Variants in MMD2 observed in about 807,000 individuals in gnomAD.
The protein encoded by MMD2 is monocyte to macrophage differentiation factor 2.
MMD2 carries 30 observed loss-of-function variants against 33.5 expected under a neutral mutation model. That is an observed-to-expected ratio of 0.90 (90% CI 0.67 to 1.22). MMD2 has a LOEUF of 1.22. Among genes scored for constraint, MMD2 ranks in the 50% most tolerant of loss-of-function variants. MMD2 has a pLI of 0.00. For synonymous variants in MMD2, 129 were observed against 123.0 expected (o/e 1.05, Z -0.32); for missense variants, 364 against 325.4 (o/e 1.12, Z -0.91).
chr7:4,907,569 T>C lies in MMD2; in HGVS notation c.568A>G (p.Thr190Ala). The C allele has an allele frequency of 6.2e-7, 1 of 1,612,832 alleles. No homozygotes were observed. The change falls in exon 7 of 7, where the codon ACC (threonine) becomes GCC (alanine). Residue 190 changes from threonine to alanine, a missense_variant. Coordinates refer to ENST00000401401, the MANE Select transcript of MMD2 (RefSeq NM_198403.4). ...PNTEGIWELVTGGVFYCLGMV... is the reference protein window; with the variant it reads ...PNTEGIWELVAGGVFYCLGMV... ...CCCAGGCAGTAGAAGACCCCTCCGG[T>C]CACCAGCTCCCAGATGCCCTCGGTG...
chr7:4,909,432 C>A (rs76589102), intron 6 of MMD2, among the ~76,000 whole-genome samples: 250 of 133,336 alleles, frequency 1.9e-3, no homozygotes, highest in African/African-American at 2.5e-3. Flanking sequence ...CCTGCCTCTA[C>A]AAAAAAAAAA....
At chr7:4,898,369 C>T in the MMD2 span, among the ~76,000 whole-genome samples, 1 of 152,174 alleles carries the variant, frequency 6.6e-6, no homozygotes, top group Non-Finnish European at 1.5e-5. Flanking sequence ...ACAACTATGG[C>T]TTTCTGGGAA....
At chr7:4,918,061 A>C (rs1562479558) in intron 3 of MMD2, among the ~76,000 whole-genome samples, 1 of 152,168 alleles carries the variant, frequency 6.6e-6, no homozygotes. Context: ...GCACTAGCTC[A>C]CCAGCCAAGT....
chr7:4,920,478 T>C (rs1270531148), intron 2 of MMD2, 147 bp from the exon 3 acceptor site: 13 of 758,974 alleles, frequency 1.7e-5, no homozygotes, highest in Admixed American at 2.8e-5. Flanking sequence ...AATCATTTTA[T>C]TTCACTTTAA....
intron 4 of MMD2, among the ~76,000 whole-genome samples, chr7:4,915,105 C>T (rs1785107198): frequency 6.6e-6 from 1 of 151,280 alleles, no homozygotes; most frequent in African/African-American, 2.4e-5. Context: ...AGACCCATCT[C>T]TACAAAAATA....
chr7:4,911,457 T>A (rs984415228), intron 4 of MMD2, among the ~76,000 whole-genome samples: 1 of 152,088 alleles, frequency 6.6e-6, no homozygotes, highest in African/African-American at 2.4e-5. Context: ...AGAGGAAAAT[T>A]AGCAAAATTG....
intron 6 of MMD2, among the ~76,000 whole-genome samples, chr7:4,909,270 C>G (rs1169580996): frequency 6.6e-6 from 1 of 151,326 alleles, no homozygotes; most frequent in African/African-American, 2.4e-5. Flanking sequence ...GGGCTTAAGC[C>G]CAGGAGATCG....
chr7:4,899,664 G>C, the MMD2 span, among the ~76,000 whole-genome samples: 1 of 152,152 alleles, frequency 6.6e-6, no homozygotes, highest in Non-Finnish European at 1.5e-5. Flanking sequence ...CCAAAGTGCT[G>C]GGATTACAGG....
chr7:4,924,110 T>TGG (rs1785359085), intron 2 of MMD2, among the ~76,000 whole-genome samples: 1 of 152,156 alleles, frequency 6.6e-6, no homozygotes, highest in Non-Finnish European at 1.5e-5. Context: ...GAGAATGGCA[T>TGG]GAACCCAGGA....
chr7:4,931,807 G>A (rs537813319), intron 1 of MMD2, among the ~76,000 whole-genome samples: 7 of 151,932 alleles, frequency 4.6e-5, no homozygotes, highest in Admixed American at 2.0e-4. Flanking sequence ...TCAAACAATC[G>A]TCCTCCCTTG....
chr7:4,930,129 G>A (rs1785536392), intron 1 of MMD2, among the ~76,000 whole-genome samples: 1 of 151,754 alleles, frequency 6.6e-6, no homozygotes, highest in South Asian at 2.1e-4. Context: ...AAATAGCTGA[G>A]TGTGGTGGCG....
chr7:4,909,803 A>T (rs1448052559), intron 6 of MMD2, 78 bp downstream of exon 6: 1 of 1,543,720 alleles, frequency 6.5e-7, no homozygotes, highest in Non-Finnish European at 8.8e-7. Flanking sequence ...GGTTTGTGAC[A>T]ATCTCAACAG....
chr7:4,926,717 G>A (rs1191656026), intron 1 of MMD2, among the ~76,000 whole-genome samples: 1 of 151,924 alleles, frequency 6.6e-6, no homozygotes, highest in Non-Finnish European at 1.5e-5. Flanking sequence ...CACATTTTGG[G>A]GTACAGCAAC....
At chr7:4,903,553 G>T (rs146944187), downstream of MMD2, among the ~76,000 whole-genome samples, 1 of 152,320 alleles carries the variant, frequency 6.6e-6, no homozygotes, top group Non-Finnish European at 1.5e-5. Flanking sequence ...TTCCCTGGCC[G>T]GGAGGCTGTC....
chr7:4,938,939 G>T (rs1331633679), intron 1 of MMD2, among the ~76,000 whole-genome samples: 1 of 151,926 alleles, frequency 6.6e-6, no homozygotes, highest in African/African-American at 2.4e-5. Flanking sequence ...TGGGCTCGAT[G>T]GCTCACGTCT....
At position 4,906,308 on chromosome 7, in the gene MMD2, G is replaced by T; in HGVS notation, c.*1088C>A. The T allele has an allele frequency of 2.5e-6, 1 of 394,004 alleles. No individual in the cohort carries two copies. Among genetic ancestry groups the T allele is most frequent in the African/African-American group, 2.1e-5 (1 of 48,666 alleles). The allele number at this position is 394,004 out of a possible 1,614,324, so 24.4% of individuals were successfully genotyped here. On this transcript the variant is annotated 3_prime_UTR_variant, in exon 7 of 7. Transcript: ENST00000401401. The stretch of plus-strand genomic sequence containing the variant: ...AGAACAGGCCCCCAGCAGCCTTGTT[G>T]TTGGGCTACTGAGCACTTCAGAGGT...
At chr7:4,912,607 G>T (rs1671699523) in intron 4 of MMD2, among the ~76,000 whole-genome samples, 1 of 151,698 alleles carries the variant, frequency 6.6e-6, no homozygotes, top group Non-Finnish European at 1.5e-5. Flanking sequence ...AAAAAGATCT[G>T]AACCTCTTCC....
chr7:4,947,015 G>A (rs553835291), intron 1 of MMD2, among the ~76,000 whole-genome samples: 1 of 152,156 alleles, frequency 6.6e-6, no homozygotes, highest in Admixed American at 6.6e-5. Flanking sequence ...CAAGACCAAC[G>A]TGGCCAACTT....
chr7:4,898,130 C>A, the MMD2 span, among the ~76,000 whole-genome samples: 4 of 152,188 alleles, frequency 2.6e-5, no homozygotes, highest in African/African-American at 9.6e-5. Flanking sequence ...ACCACCTAGC[C>A]TCAAGGTCCC....
Sources: gnomAD v4.1 joint callset for allele counts (sites outside exome capture counted in the v4.1 genomes callset) on GRCh38, gnomAD v4.1.1 for gene constraint, MANE v1.5 for transcripts, NCBI Gene and HGNC (gene_info 2026-07-23, HGNC 2026-07-21) for gene names.